Variants in CNTLN observed in about 807,000 individuals in gnomAD.
The protein encoded by CNTLN is centlein, centrosomal protein.
In CNTLN, 212 loss-of-function variants were observed where a neutral mutation model predicts 180.0. The ratio of observed to expected loss-of-function variants is 1.18; its 90% CI spans 1.05 to 1.32. The LOEUF (loss-of-function observed/expected upper bound fraction) is 1.32. Ranked by LOEUF, CNTLN falls within the 40% of genes most tolerant of loss-of-function variation. The probability of loss-of-function intolerance (pLI) is 0.00; values close to 1 mark genes in which losing one functional copy is unlikely to be tolerated. For missense variants in CNTLN, 2,095 were observed against 1,610.9 expected (o/e 1.30, Z -5.14); for synonymous variants, 722 against 563.1 (o/e 1.28, Z -3.99).
At chr9:17,290,980 A>C (rs940162132) in intron 6 of CNTLN, among the ~76,000 whole-genome samples, 2 of 152,000 alleles carry the variant, frequency 1.3e-5, no homozygotes, top group Admixed American at 6.6e-5. Context: ...TGTGTCGCTC[A>C]TGCTGGGAGC....
intron 15 of CNTLN, among the ~76,000 whole-genome samples, chr9:17,399,974 G>A (rs143941844): frequency 4.9e-4 from 74 of 152,018 alleles, no homozygotes; most frequent in African/African-American, 1.7e-3. Flanking sequence ...CCGTTTCTTC[G>A]GGTCCTCATT....
chr9:17,228,460 G>A (rs1824614330), intron 3 of CNTLN, among the ~76,000 whole-genome samples: 2 of 152,004 alleles, frequency 1.3e-5, no homozygotes, highest in Admixed American at 1.3e-4. Flanking sequence ...TTTCAGTTAG[G>A]TGCAACAAGA....
chr9:17,214,618 G>A (rs559024561), intron 2 of CNTLN, among the ~76,000 whole-genome samples: 4 of 152,294 alleles, frequency 2.6e-5, no homozygotes, highest in Admixed American at 6.5e-5. Flanking sequence ...CTAGGTTGGG[G>A]AAGTTCTTCT....
intron 13 of CNTLN, among the ~76,000 whole-genome samples, chr9:17,367,932 C>A (rs1421578873): frequency 2.0e-5 from 3 of 152,020 alleles, no homozygotes; most frequent in African/African-American, 7.2e-5. Flanking sequence ...GCTGTGGTGG[C>A]TGTGGTGAGA....
intron 8 of CNTLN, among the ~76,000 whole-genome samples, chr9:17,319,696 T>G (rs1394386390): frequency 6.6e-6 from 1 of 152,200 alleles, no homozygotes; most frequent in African/African-American, 2.4e-5. Context: ...AGAGTTTCAT[T>G]AAGATTACAC....
At chr9:17,431,006 G>A (rs1451918346) in intron 18 of CNTLN, among the ~76,000 whole-genome samples, 1 of 152,078 alleles carries the variant, frequency 6.6e-6, no homozygotes, top group Non-Finnish European at 1.5e-5. Flanking sequence ...TAATGCTGCA[G>A]TAAACATGGG....
intron 2 of CNTLN, among the ~76,000 whole-genome samples, chr9:17,220,744 G>C (rs964016144): frequency 6.6e-6 from 1 of 152,120 alleles, no homozygotes; most frequent in Non-Finnish European, 1.5e-5. Flanking sequence ...ATGACCTTCA[G>C]CTCCATCCCT....
At chr9:17,214,119 C>T (rs1184726606) in intron 2 of CNTLN, among the ~76,000 whole-genome samples, 2 of 152,096 alleles carry the variant, frequency 1.3e-5, no homozygotes, top group Non-Finnish European at 1.5e-5. Context: ...GGTTATTTTG[C>T]TTATTAGTTG....
At chr9:17,343,569 T>G (rs1365225551) in intron 12 of CNTLN, among the ~76,000 whole-genome samples, 1 of 152,196 alleles carries the variant, frequency 6.6e-6, no homozygotes, top group Non-Finnish European at 1.5e-5. Context: ...CTATTAGTTC[T>G]AAATATTTGA....
Position 17,484,393 on chromosome 9 carries a change from A to T in CNTLN, c.3954A>T (p.Ser1318=). The T allele has an allele frequency of 6.2e-7, 1 of 1,613,004 alleles. No homozygotes were observed. The highest frequency in any genetic ancestry group is 1.3e-5 in the African/African-American group (1 of 74,906). Residue 1318 remains serine, a synonymous_variant, in exon 24 of 26, where the codon TCA becomes TCT. Transcript: ENST00000380647. ...AAAACAGGGACGCCTGTAAAACCTC[A>T]ACCCATAAAGCCCAGACCTTGGCAG... ...MKKNRDACKT[S]THKAQTLAAS...
At position 17,394,665 on chromosome 9, in the gene CNTLN, G is replaced by C. The variant is rs1488528815; in HGVS notation, c.2211G>C (p.Glu737Asp). The change falls in exon 15 of 26, where the codon GAG (glutamate) becomes GAC (aspartate). Residue 737 changes from glutamate (E) to aspartate (D), a missense_variant. Glu to Asp is a conservative substitution (Grantham distance 45). Transcript: ENST00000380647. ...TAAAACAGCAACAAGAAGATACAGAGACCAGAGAAAAAGAGCTAGAACAGA... is the reference window on the plus strand; with the variant it reads ...TAAAACAGCAACAAGAAGATACAGACACCAGAGAAAAAGAGCTAGAACAGA... ...SLLKQQQEDTETREKELEQII... is the reference protein window; with the variant it reads ...SLLKQQQEDTDTREKELEQII... The C allele has an allele frequency of 1.9e-6, 3 of 1,612,678 alleles. No homozygotes were observed. The highest frequency in any genetic ancestry group is 2.5e-6 in the Non-Finnish European group (3 of 1,179,446).
chr9:17,195,027 C>G (rs1211427174), intron 2 of CNTLN, among the ~76,000 whole-genome samples: 1 of 152,144 alleles, frequency 6.6e-6, no homozygotes, highest in Non-Finnish European at 1.5e-5. Flanking sequence ...TGGTCTCCCA[C>G]CGTGTCCCTC....
rs182909703 is a variant in CNTLN, at chr9:17,253,267, C to A, written c.849+16679C>A. Among the ~76,000 whole-genome samples the A allele has an allele frequency of 2.1e-3, 320 of 151,698 alleles. 1 individual carries two copies. The highest frequency in any genetic ancestry group is 7.3e-3 in the African/African-American group (303 of 41,458). On this transcript the variant is annotated intron_variant, in intron 5 of 25. Transcript: ENST00000380647. ...GGGTATTCAGGCTCTTTTTTGGTTCCATATCAATTTTAGAATTGTTTTTTC... is the reference window on the plus strand; with the variant it reads ...GGGTATTCAGGCTCTTTTTTGGTTCAATATCAATTTTAGAATTGTTTTTTC...
intron 22 of CNTLN, 40 bp from the exon 23 acceptor site, chr9:17,466,666 A>C (rs967815838): frequency 6.5e-7 from 1 of 1,533,298 alleles, no homozygotes; most frequent in Non-Finnish European, 8.8e-7. Context: ...AAATCTGTTT[A>C]TAAAATATCT....
chr9:17,306,167 T>G (rs1818696132), intron 7 of CNTLN, among the ~76,000 whole-genome samples: 1 of 118,184 alleles, frequency 8.5e-6, no homozygotes, highest in African/African-American at 3.4e-5. Flanking sequence ...TTTTTTTTTT[T>G]GAGTTTGAGT....
intron 12 of CNTLN, among the ~76,000 whole-genome samples, chr9:17,351,638 T>C (rs2133295699): frequency 1.3e-5 from 2 of 152,286 alleles, no homozygotes; most frequent in South Asian, 2.1e-4. Flanking sequence ...TCTTATTTCT[T>C]TCCATCCTCA....
chr9:17,144,981 A>G (rs1436355815), intron 2 of CNTLN, among the ~76,000 whole-genome samples: 1 of 150,864 alleles, frequency 6.6e-6, no homozygotes, highest in Non-Finnish European at 1.5e-5. Flanking sequence ...AGCTGGGACT[A>G]CAGGCGCCCG....
At position 17,394,575 on chromosome 9, in the gene CNTLN, G is replaced by C. The variant is rs767526215; in HGVS notation, c.2121G>C (p.Arg707Ser). 3 of 1,591,706 alleles carry C rather than the reference G, an allele frequency of 1.9e-6. No individual in the cohort carries two copies. Among genetic ancestry groups the C allele is most frequent in the Non-Finnish European group, 2.6e-6 (3 of 1,173,858 alleles). The change falls in exon 15 of 26, where the codon AGG (arginine) becomes AGC (serine). Residue 707 changes from arginine to serine, a missense_variant. Transcript: ENST00000380647. ...LENRLKSFEK[R>S]SRKLKEGNKK... ...ATCGGCTGAAATCTTTTGAGAAAAGGTCGAGAAAATTAAAAGAAGGGAATA... is the reference window on the plus strand; with the variant it reads ...ATCGGCTGAAATCTTTTGAGAAAAGCTCGAGAAAATTAAAAGAAGGGAATA...
At chr9:17,440,387 C>T (rs1262273398) in intron 18 of CNTLN, among the ~76,000 whole-genome samples, 2 of 138,412 alleles carry the variant, frequency 1.4e-5, no homozygotes, top group Non-Finnish European at 3.1e-5. Context: ...TCCTGGCTAA[C>T]AGGGTGAAAC....
Sources: allele counts gnomAD v4.1 joint callset (sites outside exome capture counted in the v4.1 genomes callset), GRCh38; gene constraint gnomAD v4.1.1; transcripts MANE v1.5; gene names NCBI Gene and HGNC (gene_info 2026-07-23, HGNC 2026-07-21).